NKAIN3: variants seen among roughly 807,000 people sequenced by gnomAD.
NKAIN3 encodes the protein sodium/potassium transporting ATPase interacting 3.
In NKAIN3, 25 loss-of-function variants were observed where a neutral mutation model predicts 30.2. That is an observed-to-expected ratio of 0.83 (90% CI 0.60 to 1.16). The LOEUF is 1.16. Ranked by LOEUF, NKAIN3 falls within the 50% of genes most tolerant of loss-of-function variation. NKAIN3 has a pLI of 0.00. For synonymous variants in NKAIN3, 91 were observed against 89.6 expected (o/e 1.02, Z -0.09); for missense variants, 225 against 254.1 (o/e 0.89, Z 0.78).
intron 1 of NKAIN3, among the ~76,000 whole-genome samples, chr8:62,324,759 A>G (rs1373687451): frequency 2.6e-5 from 4 of 152,158 alleles, no homozygotes; most frequent in African/African-American, 7.2e-5. Context: ...GGATCTTTGA[A>G]GAATAAGTAG....
intron 3 of NKAIN3, among the ~76,000 whole-genome samples, chr8:62,696,694 A>G (rs1814166889): frequency 6.6e-6 from 1 of 152,164 alleles, no homozygotes; most frequent in African/African-American, 2.4e-5. Flanking sequence ...ATAAATTGTA[A>G]CGTACAAAAC....
intron 1 of NKAIN3, among the ~76,000 whole-genome samples, chr8:62,531,150 C>T (rs1463475769): frequency 6.6e-6 from 1 of 152,118 alleles, no homozygotes; most frequent in African/African-American, 2.4e-5. Flanking sequence ...AGCTTAAAAA[C>T]CATGTGTGCT....
At chr8:62,559,915 A>G (rs1010850628) in intron 1 of NKAIN3, among the ~76,000 whole-genome samples, 1 of 151,918 alleles carries the variant, frequency 6.6e-6, no homozygotes, top group African/African-American at 2.4e-5. Flanking sequence ...TATTTTGAGA[A>G]CTCTCTTTAG....
At chr8:62,865,225 T>G (rs1177801087) in intron 4 of NKAIN3, among the ~76,000 whole-genome samples, 7 of 152,172 alleles carry the variant, frequency 4.6e-5, no homozygotes, top group African/African-American at 1.7e-4. Flanking sequence ...GTTTACAGAT[T>G]TCCTGATCCC....
chr8:62,665,811 A>G (rs1813080539), intron 3 of NKAIN3, among the ~76,000 whole-genome samples: 1 of 152,140 alleles, frequency 6.6e-6, no homozygotes, highest in African/African-American at 2.4e-5. Context: ...ATAAGTTTCC[A>G]TGAGTAGGGG....
chr8:62,941,804 C>T (rs1474868993), intron 5 of NKAIN3, among the ~76,000 whole-genome samples: 4 of 152,010 alleles, frequency 2.6e-5, no homozygotes, highest in African/African-American at 9.7e-5. Flanking sequence ...ACAGCCAACA[C>T]TATACTTACT....
intron 1 of NKAIN3, among the ~76,000 whole-genome samples, chr8:62,337,667 C>T (rs368531025): frequency 1.3e-5 from 2 of 151,936 alleles, no homozygotes; most frequent in East Asian, 1.9e-4. Flanking sequence ...ATGCACAGCA[C>T]GTGCACACAC....
intron 1 of NKAIN3, among the ~76,000 whole-genome samples, chr8:62,364,883 A>G (rs1009093950): frequency 2.0e-5 from 3 of 149,624 alleles, no homozygotes; most frequent in African/African-American, 7.4e-5. Flanking sequence ...TCCATAGTAC[A>G]CTTAAGTTTT....
chr8:62,991,622 A>G (rs1824322687), intron 5 of NKAIN3, among the ~76,000 whole-genome samples: 1 of 152,174 alleles, frequency 6.6e-6, no homozygotes, highest in African/African-American at 2.4e-5. Flanking sequence ...TGACTTCATT[A>G]AGTTTGTTTT....
At chr8:62,949,481 G>A (rs16929920) in intron 5 of NKAIN3, among the ~76,000 whole-genome samples, 2 of 151,988 alleles carry the variant, frequency 1.3e-5, no homozygotes, top group Non-Finnish European at 2.9e-5. Context: ...TGGCTAGAGC[G>A]AGTAACCACA....
chr8:62,537,404 T>C (rs756632075), intron 1 of NKAIN3, among the ~76,000 whole-genome samples: 25 of 152,184 alleles, frequency 1.6e-4, no homozygotes, highest in Non-Finnish European at 3.2e-4. Flanking sequence ...AGCAGTTCTT[T>C]CTTCATGGGG....
chr8:62,962,779 G>C (rs1219402439), intron 6 of NKAIN3, among the ~76,000 whole-genome samples: 2 of 152,174 alleles, frequency 1.3e-5, no homozygotes, highest in Admixed American at 6.5e-5. Flanking sequence ...GCCAAAAAAG[G>C]CTGTGGGGGG....
chr8:62,756,034 C>A (rs908317481), intron 4 of NKAIN3, among the ~76,000 whole-genome samples: 1 of 152,138 alleles, frequency 6.6e-6, no homozygotes, highest in African/African-American at 2.4e-5. Flanking sequence ...GTATTTGTGT[C>A]TATGCAGTAT....
At chr8:62,331,283 G>A (rs975040500) in intron 1 of NKAIN3, among the ~76,000 whole-genome samples, 8 of 151,474 alleles carry the variant, frequency 5.3e-5, no homozygotes, top group Non-Finnish European at 1.0e-4. Context: ...TACATGTTAG[G>A]AGTTAGAACT....
intron 1 of NKAIN3, among the ~76,000 whole-genome samples, chr8:62,415,088 C>T (rs1804388165): frequency 7.1e-6 from 1 of 140,736 alleles, no homozygotes; most frequent in Non-Finnish European, 1.5e-5. Context: ...ACTATATATA[C>T]TATATTACAT....
At chr8:62,873,238 G>C (rs1232949324) in intron 4 of NKAIN3, among the ~76,000 whole-genome samples, 1 of 151,766 alleles carries the variant, frequency 6.6e-6, no homozygotes, top group Non-Finnish European at 1.5e-5. Flanking sequence ...AAAAAGACAA[G>C]GAAGGGCATT....
chr8:62,708,974 G>A (rs1455701007), intron 3 of NKAIN3, among the ~76,000 whole-genome samples: 3 of 152,144 alleles, frequency 2.0e-5, no homozygotes, highest in Non-Finnish European at 4.4e-5. Context: ...CATCTATTGA[G>A]ATGATCGTTT....
intron 4 of NKAIN3, among the ~76,000 whole-genome samples, chr8:62,753,944 C>T (rs1320165196): frequency 6.6e-6 from 1 of 151,926 alleles, no homozygotes; most frequent in South Asian, 2.1e-4. Context: ...AATTTTAAGA[C>T]CATATATAAA....
chr8:62,911,176 T>A (rs770259184), intron 4 of NKAIN3, among the ~76,000 whole-genome samples: 2 of 152,104 alleles, frequency 1.3e-5, no homozygotes, highest in Non-Finnish European at 2.9e-5. Flanking sequence ...AGGGAGGCAA[T>A]GTATTAGAAC....
Sources: gnomAD v4.1 joint callset for allele counts (sites outside exome capture counted in the v4.1 genomes callset) on GRCh38, gnomAD v4.1.1 for gene constraint, MANE v1.5 for transcripts, NCBI Gene and HGNC (gene_info 2026-07-23, HGNC 2026-07-21) for gene names.